SLC15A4: variants seen among roughly 807,000 people sequenced by gnomAD.
SLC15A4 encodes the protein solute carrier family 15 member 4, also known as hPHT1.
A neutral mutation model predicts 46.1 loss-of-function variants in SLC15A4; 26 were observed. The ratio of observed to expected loss-of-function variants is 0.56; its 90% CI spans 0.41 to 0.78. The LOEUF (loss-of-function observed/expected upper bound fraction) is 0.78. Among genes scored for constraint, SLC15A4 ranks in the 30% least tolerant of loss-of-function variants. SLC15A4 has a pLI of 0.00. For missense variants in SLC15A4, 751 were observed against 755.7 expected (o/e 0.99, Z 0.07); for synonymous variants, 370 against 333.4 (o/e 1.11, Z -1.20).
chr12:128,793,866 G>GGA lies in SLC15A4; in HGVS notation c.*328_*329dup, dbSNP rs374776757. On this transcript the variant is annotated 3_prime_UTR_variant, in exon 8 of 8. Coordinates refer to ENST00000266771, the MANE Select transcript of SLC15A4 (RefSeq NM_145648.4). Reference sequence around the variant, plus strand: ...GAAACTGGGATGCCAACTAACACGTGGAGTTCCCCAAGACTTTGCAATCTC... The same window carrying GGA: ...GAAACTGGGATGCCAACTAACACGTGGAGAGTTCCCCAAGACTTTGCAATCTC... 3.4e-4 allele frequency: 70 copies of GGA among 205,034 alleles called. No homozygotes were observed. The highest frequency in any genetic ancestry group is 6.0e-4 in the Non-Finnish European group (62 of 103,634). The allele number at this position is 205,034 out of a possible 1,614,324, so 12.7% of individuals were successfully genotyped here.
intron 6 of SLC15A4, 98 bp from the exon 7 acceptor site, chr12:128,799,515 C>T (rs1955490026): frequency 3.0e-6 from 4 of 1,329,228 alleles, no homozygotes; most frequent in Non-Finnish European, 4.2e-6. Context: ...CGTGGGGTCT[C>T]CTAGGGACTG....
intron 4 of SLC15A4, 111 bp downstream of exon 4, chr12:128,809,285 C>G (rs1955624906): frequency 2.8e-6 from 2 of 718,098 alleles, no homozygotes; most frequent in Non-Finnish European, 4.6e-6. Context: ...AATAACAATG[C>G]TTTTGTGTCG....
At chr12:128,813,453 G>T (rs545275336) in intron 2 of SLC15A4, 1 of 152,288 alleles carries the variant, frequency 6.6e-6, no homozygotes, top group African/African-American at 2.4e-5. Context: ...CTCCACACAG[G>T]GACAGCCGGA....
chr12:128,805,006 C>G (rs757773136), intron 5 of SLC15A4, among the ~76,000 whole-genome samples: 5 of 152,150 alleles, frequency 3.3e-5, no homozygotes, highest in African/African-American at 4.8e-5. Flanking sequence ...GGTCAGAGGA[C>G]CAACATCAGC....
chr12:128,800,697 G>A (rs1398370564), intron 6 of SLC15A4, 157 bp downstream of exon 6: 2 of 675,996 alleles, frequency 3.0e-6, no homozygotes, highest in African/African-American at 1.8e-5. Context: ...GCACTGGTGT[G>A]TTTACCTAGC....
intron 7 of SLC15A4, 22 bp from the exon 8 acceptor site, chr12:128,794,378 C>T (rs369510413): frequency 1.6e-5 from 26 of 1,598,886 alleles, no homozygotes; most frequent in East Asian, 2.2e-5. Flanking sequence ...AAAAGGAAAG[C>T]GGCAGGTAAG....
At chr12:128,807,347 C>T (rs1955601813) in intron 5 of SLC15A4, among the ~76,000 whole-genome samples, 1 of 152,210 alleles carries the variant, frequency 6.6e-6, no homozygotes, top group Non-Finnish European at 1.5e-5. Flanking sequence ...AGAAGTGATT[C>T]AGCCATTTAT....
intron 7 of SLC15A4, among the ~76,000 whole-genome samples, chr12:128,798,613 A>C (rs553279710): frequency 3.7e-4 from 57 of 152,330 alleles, no homozygotes; most frequent in Admixed American, 5.9e-4. Flanking sequence ...CTGTAGATAA[A>C]ATATTTTTAC....
rs368992982 is a variant in SLC15A4, at chr12:128,804,643, T to C, written c.1259-3634A>G. Among the ~76,000 whole-genome samples the C allele has an allele frequency of 3.7e-4, 56 of 152,284 alleles. No homozygotes were observed. In the East Asian group the frequency reaches 0.01, roughly 28 times the overall value. Reference sequence around the variant, plus strand: ...TACTGTGGAGGCTGAGGCAGGAGAATCGCTTGAACCAGGGAGGCGGACGTT... The same window carrying C: ...TACTGTGGAGGCTGAGGCAGGAGAACCGCTTGAACCAGGGAGGCGGACGTT... On this transcript the variant is annotated intron_variant, in intron 5 of 7. Transcript: ENST00000266771.
At chr12:128,798,943 T>C (rs1198573496) in intron 7 of SLC15A4, among the ~76,000 whole-genome samples, 1 of 152,136 alleles carries the variant, frequency 6.6e-6, no homozygotes, top group Non-Finnish European at 1.5e-5. Flanking sequence ...TGGACGGGCG[T>C]GGAGAAGGTG....
Position 128,808,912 on chromosome 12 carries a change from G to A in SLC15A4, c.1134C>T (p.Leu378=). ...GTTTGTCCTTCAGAGGGATGAGCAGGAGGATGAGCACAGCATCAAACATGG... is the reference window on the plus strand; with the variant it reads ...GTTTGTCCTTCAGAGGGATGAGCAGAAGGATGAGCACAGCATCAAACATGG... ...WLTMFDAVLI[L]LLIPLKDKLV... Residue 378 remains leucine (L), a synonymous_variant, in exon 5 of 8, where the codon CTC becomes CTT. Transcript: ENST00000266771. 9.3e-6 allele frequency: 15 copies of A among 1,614,226 alleles called. No homozygotes were observed. The highest frequency in any genetic ancestry group is 1.3e-5 in the Non-Finnish European group (15 of 1,180,036).
At position 128,808,949 on chromosome 12, in the gene SLC15A4, G is replaced by A; in HGVS notation, c.1097C>T (p.Ala366Val). 6.2e-7 allele frequency: 1 copy of A among 1,613,322 alleles called. No individual in the cohort carries two copies. The highest frequency in any genetic ancestry group is 1.1e-5 in the South Asian group (1 of 90,978). The change falls in exon 5 of 8, where the codon GCA becomes GTA. Residue 366 changes from alanine (A) to valine (V), a missense_variant. By Grantham distance (64) the Ala-to-Val change is moderately conservative. Coordinates refer to ENST00000266771, the MANE Select transcript of SLC15A4 (RefSeq NM_145648.4). ...NITTTPHTLP[A>V]AWLTMFDAVL... Reference sequence around the variant, plus strand: ...AGCATCAAACATGGTCAGCCAGGCTGCAGGGAGCTGGGGTGAAACACAGGA... The same window carrying A: ...AGCATCAAACATGGTCAGCCAGGCTACAGGGAGCTGGGGTGAAACACAGGA...
intron 1 of SLC15A4, among the ~76,000 whole-genome samples, chr12:128,817,696 T>C (rs548984982): frequency 6.6e-6 from 1 of 152,352 alleles, no homozygotes; most frequent in South Asian, 2.1e-4. Context: ...TCATTTCCTG[T>C]GTAATTGTGG....
chr12:128,810,237 A>C, intron 2 of SLC15A4, 126 bp from the exon 3 acceptor site: 1 of 849,676 alleles, frequency 1.2e-6, no homozygotes, highest in East Asian at 2.6e-5. Context: ...TCATTCCATC[A>C]CTTACTAATT....
In SLC15A4 at chr12:128,803,440, A is replaced by ATTT. The variant is rs1427884102; in HGVS notation, c.1259-2432_1259-2431insAAA. On this transcript the variant is annotated intron_variant, in intron 5 of 7. Transcript: ENST00000266771. Reference sequence around the variant, plus strand: ...AGCACCTCATTTATTATTCACAGTAAGCTGGGGGGAGAAATAACCCAAGCT... The same window carrying ATTT: ...AGCACCTCATTTATTATTCACAGTAATTTGCTGGGGGGAGAAATAACCCAAGCT... 8.6e-3 allele frequency among the ~76,000 whole-genome samples: 1,302 copies of ATTT among 152,262 alleles called. 20 individuals are homozygous for ATTT. Among genetic ancestry groups the ATTT allele is most frequent in the African/African-American group, 0.028 (1,163 of 41,530 alleles).
chr12:128,811,534 G>C (rs1030642000), intron 2 of SLC15A4, among the ~76,000 whole-genome samples: 3 of 152,194 alleles, frequency 2.0e-5, no homozygotes, highest in Non-Finnish European at 4.4e-5. Context: ...CTGTCCTTAC[G>C]GACTTAGTCT....
At chr12:128,799,863 C>T (rs548644588) in intron 6 of SLC15A4, among the ~76,000 whole-genome samples, 2 of 151,978 alleles carry the variant, frequency 1.3e-5, no homozygotes, top group South Asian at 2.1e-4. Context: ...TTTGTTGAGA[C>T]GGAGTTTTGC....
At chr12:128,812,552 G>A (rs988883378) in intron 2 of SLC15A4, among the ~76,000 whole-genome samples, 6 of 152,132 alleles carry the variant, frequency 3.9e-5, no homozygotes, top group South Asian at 2.1e-4. Flanking sequence ...TCCTGACCTC[G>A]TGATCCGCCC....
At chr12:128,800,048 G>A (rs757879609) in intron 6 of SLC15A4, among the ~76,000 whole-genome samples, 2 of 151,928 alleles carry the variant, frequency 1.3e-5, no homozygotes, top group Non-Finnish European at 2.9e-5. Context: ...TCACCATGTT[G>A]GCCAGGCTGG....
Sources: gnomAD v4.1 joint callset for allele counts (sites outside exome capture counted in the v4.1 genomes callset) on GRCh38, gnomAD v4.1.1 for gene constraint, MANE v1.5 for transcripts, NCBI Gene and HGNC (gene_info 2026-07-23, HGNC 2026-07-21) for gene names.